MTHFD2L: variants seen among roughly 807,000 people sequenced by gnomAD.
MTHFD2L encodes the protein bifunctional methylenetetrahydrofolate dehydrogenase/cyclohydrolase 2, mitochondrial.
MTHFD2L carries 29 observed loss-of-function variants against 34.9 expected under a neutral mutation model. The observed-to-expected ratio is 0.83, with a 90% CI of 0.62 to 1.13. The LOEUF is 1.13. Among genes scored for constraint, MTHFD2L ranks in the 50% most tolerant of loss-of-function variants. The pLI, the probability that MTHFD2L is intolerant of heterozygous loss-of-function variation, is 0.00. For missense variants in MTHFD2L, 481 were observed against 446.5 expected (o/e 1.08, Z -0.70); for synonymous variants, 167 against 155.7 (o/e 1.07, Z -0.54).
rs547597187 is a variant in MTHFD2L at position 74,236,583 on chromosome 4, G to A, written c.805+11189G>A. 3.9e-4 allele frequency among the ~76,000 whole-genome samples: 59 copies of A among 152,276 alleles called. 1 individual carries two copies. The highest frequency in any genetic ancestry group is 1.4e-3 in the African/African-American group (57 of 41,548). On this transcript the variant is annotated intron_variant, in intron 6 of 7. Transcript: ENST00000325278. ...GTCAAGGCAACTTATGACACGCCAGGGTCTACATTGCTAGTATGGATTGAA... is the reference window on the plus strand; with the variant it reads ...GTCAAGGCAACTTATGACACGCCAGAGTCTACATTGCTAGTATGGATTGAA...
At chr4:74,139,726 G>A (rs556324155) in intron 1 of MTHFD2L, among the ~76,000 whole-genome samples, 1 of 152,268 alleles carries the variant, frequency 6.6e-6, no homozygotes, top group South Asian at 2.1e-4. Flanking sequence ...GATATTGTTG[G>A]TGATAAAGCA....
chr4:74,264,681 A>G (rs1044394699), intron 6 of MTHFD2L, among the ~76,000 whole-genome samples: 3 of 151,982 alleles, frequency 2.0e-5, no homozygotes, highest in African/African-American at 7.2e-5. Flanking sequence ...AATTGTTTTA[A>G]TATTTTTAAG....
intron 5 of MTHFD2L, among the ~76,000 whole-genome samples, chr4:74,218,485 G>A (rs956017496): frequency 6.6e-6 from 1 of 152,048 alleles, no homozygotes; most frequent in Non-Finnish European, 1.5e-5. Flanking sequence ...CAAGGGCGCG[G>A]CCAAGACACA....
At chr4:74,233,859 A>C (rs1484519503) in intron 6 of MTHFD2L, among the ~76,000 whole-genome samples, 3 of 151,786 alleles carry the variant, frequency 2.0e-5, no homozygotes, top group Non-Finnish European at 4.4e-5. Flanking sequence ...TTTCATCTCT[A>C]GGTTTTTTCA....
At chr4:74,136,139 C>T (rs887658116) in intron 1 of MTHFD2L, among the ~76,000 whole-genome samples, 1 of 151,460 alleles carries the variant, frequency 6.6e-6, no homozygotes, top group African/African-American at 2.4e-5. Context: ...CTGGCCAGAG[C>T]AATTAGGTAA....
intron 7 of MTHFD2L, among the ~76,000 whole-genome samples, 171 bp from the exon 8 acceptor site, chr4:74,301,526 T>A (rs969146650): frequency 6.7e-6 from 1 of 148,658 alleles, no homozygotes; most frequent in Non-Finnish European, 1.5e-5. Flanking sequence ...TCTAAGTGAG[T>A]GTGAGCGTGT....
At chr4:74,203,051 G>A (rs1344718638) in intron 5 of MTHFD2L, among the ~76,000 whole-genome samples, 8 of 152,020 alleles carry the variant, frequency 5.3e-5, no homozygotes, top group Admixed American at 5.2e-4. Flanking sequence ...AATAATCCCA[G>A]TATTAACTTA....
intron 6 of MTHFD2L, among the ~76,000 whole-genome samples, chr4:74,227,875 A>G (rs887516154): frequency 1.8e-4 from 28 of 152,096 alleles, no homozygotes; most frequent in African/African-American, 6.3e-4. Context: ...AGGTATTGCA[A>G]TTTCATTTAA....
intron 3 of MTHFD2L, among the ~76,000 whole-genome samples, chr4:74,189,507 TTTTA>T (rs1387938308): frequency 2.1e-5 from 3 of 141,374 alleles, no homozygotes; most frequent in Admixed American, 2.1e-4. Flanking sequence ...TTTTTTTTTT[TTTTA>T]AAGATTAATG....
At chr4:74,193,107 C>T (rs1732855003) in intron 3 of MTHFD2L, among the ~76,000 whole-genome samples, 1 of 152,034 alleles carries the variant, frequency 6.6e-6, no homozygotes, top group Admixed American at 6.6e-5. Context: ...TAATTGATTT[C>T]TAGTTAATTT....
intron 3 of MTHFD2L, 83 bp from the exon 4 acceptor site, chr4:74,199,711 G>A (rs757609720): frequency 4.3e-6 from 5 of 1,164,428 alleles, no homozygotes; most frequent in Non-Finnish European, 6.0e-6. Flanking sequence ...TAAGTGATGT[G>A]GCTTTAGATT....
At chr4:74,278,410 A>T (rs1263338326) in intron 6 of MTHFD2L, among the ~76,000 whole-genome samples, 4 of 152,064 alleles carry the variant, frequency 2.6e-5, no homozygotes, top group Non-Finnish European at 5.9e-5. Flanking sequence ...CAACCCAGTA[A>T]CCATTCTGTC....
chr4:74,281,474 A>G lies in MTHFD2L; in HGVS notation c.855A>G (p.Val285=), dbSNP rs1188138165. 6.2e-7 allele frequency: 1 copy of G among 1,612,870 alleles called. No homozygotes were observed. Among genetic ancestry groups the G allele is most frequent in the Admixed American group, 1.7e-5 (1 of 59,872 alleles). The change falls in exon 7 of 8, where the codon GTA becomes GTG. Residue 285 remains valine, a synonymous_variant. Transcript: ENST00000325278. The stretch of plus-strand genomic sequence containing the variant: ...ATATGGTTAAAGAAGGTGCTGCTGT[A>G]ATTGATGTGGGTATCAACTATGTCC... ...TSDMVKEGAA[V]IDVGINYVHD...
At chr4:74,149,055 G>C (rs1723775523) in intron 1 of MTHFD2L, among the ~76,000 whole-genome samples, 1 of 151,716 alleles carries the variant, frequency 6.6e-6, no homozygotes, top group Admixed American at 6.6e-5. Flanking sequence ...AGCTTCCTCT[G>C]ATCAATCATT....
chr4:74,134,791 A>T (rs1578235318), intron 1 of MTHFD2L, among the ~76,000 whole-genome samples: 1 of 152,130 alleles, frequency 6.6e-6, no homozygotes, highest in South Asian at 2.1e-4. Context: ...ATAAGCAGAA[A>T]TCTTGTAACT....
chr4:74,213,187 C>A (rs1736642840), intron 5 of MTHFD2L, among the ~76,000 whole-genome samples: 1 of 151,990 alleles, frequency 6.6e-6, no homozygotes, highest in African/African-American at 2.4e-5. Flanking sequence ...GGGCATTTAG[C>A]CTGTTTACAT....
chr4:74,186,215 G>C (rs1731209689), intron 3 of MTHFD2L, among the ~76,000 whole-genome samples: 1 of 151,788 alleles, frequency 6.6e-6, no homozygotes, highest in East Asian at 1.9e-4. Flanking sequence ...ACTAATAATA[G>C]AAGAGAACTC....
At chr4:74,197,433 A>G (rs1733676372) in intron 3 of MTHFD2L, among the ~76,000 whole-genome samples, 1 of 152,178 alleles carries the variant, frequency 6.6e-6, no homozygotes, top group African/African-American at 2.4e-5. Flanking sequence ...ATGTGCTTAG[A>G]CAAGTATTAC....
At chr4:74,159,215 T>A (rs1281430249) in intron 1 of MTHFD2L, among the ~76,000 whole-genome samples, 1 of 152,230 alleles carries the variant, frequency 6.6e-6, no homozygotes, top group East Asian at 1.9e-4. Flanking sequence ...ATTTAAAAAT[T>A]ACTTCCTATA....
Sources: allele counts gnomAD v4.1 joint callset (sites outside exome capture counted in the v4.1 genomes callset), GRCh38; gene constraint gnomAD v4.1.1; transcripts MANE v1.5; gene names NCBI Gene and HGNC (gene_info 2026-07-23, HGNC 2026-07-21).